TRIM37: variants seen among roughly 807,000 people sequenced by gnomAD.
The protein encoded by TRIM37 is E3 ubiquitin-protein ligase TRIM37.
TRIM37 carries 80 observed loss-of-function variants against 129.8 expected under a neutral mutation model. The observed-to-expected ratio is 0.62, with a 90% CI of 0.51 to 0.74. TRIM37 has a LOEUF of 0.74. Ranked by LOEUF, TRIM37 falls within the 30% of genes least tolerant of loss-of-function variation. The pLI is 0.00. For missense variants in TRIM37, 1,054 were observed against 1,176.5 expected (o/e 0.90, Z 1.52); for synonymous variants, 389 against 387.1 (o/e 1.00, Z -0.06).
intron 7 of TRIM37, among the ~76,000 whole-genome samples, chr17:59,076,419 C>T (rs1381386437): frequency 6.6e-6 from 1 of 152,156 alleles, no homozygotes; most frequent in East Asian, 1.9e-4. Context: ...TGCATGCCTG[C>T]AGCCCAATTT....
At chr17:59,021,677 G>A (rs1386303955) in intron 19 of TRIM37, among the ~76,000 whole-genome samples, 1 of 152,050 alleles carries the variant, frequency 6.6e-6, no homozygotes, top group Non-Finnish European at 1.5e-5. Context: ...AATATAGTTA[G>A]ATAGAATGAA....
chr17:59,052,723 G>A (rs1276526582), intron 13 of TRIM37, among the ~76,000 whole-genome samples: 2 of 152,134 alleles, frequency 1.3e-5, no homozygotes, highest in African/African-American at 4.8e-5. Flanking sequence ...GGGAGGCCGA[G>A]GTGGGCAGAT....
Position 59,022,265 on chromosome 17 carries a change from A to C in TRIM37, c.2258-4841T>G, listed in dbSNP as rs554383627. Among the ~76,000 whole-genome samples, 4 of 152,334 alleles carry C rather than the reference A, an allele frequency of 2.6e-5. No individual in the cohort carries two copies. In the South Asian group the frequency reaches 8.3e-4, roughly 32 times the overall value. On this transcript the variant is annotated intron_variant, in intron 19 of 23. Coordinates refer to ENST00000262294, the MANE Select transcript of TRIM37 (RefSeq NM_015294.6). ...AGCAGTGTTTTTTTAAAAAAAGTAT[A>C]GGCCCAAACTAAATAGGATGCATTC...
intron 8 of TRIM37, among the ~76,000 whole-genome samples, chr17:59,074,405 GTGTA>G (rs2042638241): frequency 6.6e-6 from 1 of 152,110 alleles, no homozygotes; most frequent in South Asian, 2.1e-4. Context: ...ATATATATGT[GTGTA>G]TGTAAAAAGA....
At chr17:59,105,573 T>A (rs2045921451) in intron 1 of TRIM37, among the ~76,000 whole-genome samples, 1 of 152,220 alleles carries the variant, frequency 6.6e-6, no homozygotes, top group Non-Finnish European at 1.5e-5. Context: ...ATTCTAGAAT[T>A]AAACCCTCCT....
chr17:59,066,625 C>T (rs960371732), intron 9 of TRIM37, among the ~76,000 whole-genome samples: 2 of 152,144 alleles, frequency 1.3e-5, no homozygotes, highest in African/African-American at 4.8e-5. Context: ...CCTAGTCTCA[C>T]TTGCTAGGAG....
chr17:58,986,246 C>T (rs1261039250), intron 24 of TRIM37, among the ~76,000 whole-genome samples: 3 of 151,844 alleles, frequency 2.0e-5, no homozygotes, highest in Admixed American at 1.3e-4. Context: ...TCACCCAGGC[C>T]GGAGTGCAGT....
chr17:59,046,569 A>C (rs2039824139), intron 16 of TRIM37, among the ~76,000 whole-genome samples: 2 of 69,182 alleles, frequency 2.9e-5, no homozygotes, highest in Admixed American at 1.7e-4. Context: ...ACAGAGTCTC[A>C]ACTGTCGCCC....
intron 16 of TRIM37, among the ~76,000 whole-genome samples, chr17:59,044,495 G>A (rs925194541): frequency 6.6e-6 from 1 of 152,028 alleles, no homozygotes; most frequent in Non-Finnish European, 1.5e-5. Context: ...CCAGGAGACG[G>A]AGGCTGCAGT....
rs2042919597 is a variant in TRIM37, at chr17:59,077,639, G to T, written c.617-1925C>A. On this transcript the variant is annotated intron_variant, in intron 7 of 23. Coordinates refer to ENST00000262294, the MANE Select transcript of TRIM37 (RefSeq NM_015294.6). ...AGCCTGGCCAATATGGTAAAACCCT[G>T]TCTCTACTAAAAATACAAAAATTAG... 4.0e-5 allele frequency among the ~76,000 whole-genome samples: 6 copies of T among 151,570 alleles called. 1 individual carries two copies. In the South Asian group the frequency reaches 1.3e-3, roughly 32 times the overall value.
At chr17:58,987,527 G>A (rs947580625) in intron 24 of TRIM37, among the ~76,000 whole-genome samples, 5 of 152,214 alleles carry the variant, frequency 3.3e-5, no homozygotes, top group Admixed American at 6.5e-5. Flanking sequence ...CCGTACTACT[G>A]ATGTCCCAAA....
At position 59,047,685 on chromosome 17, in the gene TRIM37, A is replaced by G. The variant is rs1423998098; in HGVS notation, c.1665T>C (p.Thr555=). 6.2e-7 allele frequency: 1 copy of G among 1,613,150 alleles called. No homozygotes were observed. The highest frequency in any genetic ancestry group is 1.1e-5 in the South Asian group (1 of 90,928). Reference sequence around the variant, plus strand: ...CAGTAGTAAAGTGGGAAACTCACATAGTTTCTTCATCAATATCATTTTCTT... The same window carrying G: ...CAGTAGTAAAGTGGGAAACTCACATGGTTTCTTCATCAATATCATTTTCTT... ...NTEENDIDEE[T]MSGENDVEYN... The change falls in exon 16 of 24, where the codon ACT becomes ACC. Residue 555 remains threonine (T), a splice_region_variant and synonymous_variant. Transcript: ENST00000262294.
chr17:59,073,044 C>T (rs533739885), intron 8 of TRIM37: 1 of 152,234 alleles, frequency 6.6e-6, no homozygotes, highest in South Asian at 2.1e-4. Context: ...TATGTACATA[C>T]ATACACACAT....
At chr17:59,069,075 G>A (rs1942177908) in intron 9 of TRIM37, among the ~76,000 whole-genome samples, 1 of 152,186 alleles carries the variant, frequency 6.6e-6, no homozygotes, top group African/African-American at 2.4e-5. Flanking sequence ...GGCCAGGCAT[G>A]GTGGCTCACA....
chr17:59,032,174 T>C (rs1568029032), intron 17 of TRIM37, 84 bp from the exon 18 acceptor site: 1 of 1,349,054 alleles, frequency 7.4e-7, no homozygotes, highest in Middle Eastern at 2.5e-4. Context: ...TAACATTATA[T>C]GAATACTTGT....
intron 2 of TRIM37, among the ~76,000 whole-genome samples, chr17:59,101,446 T>C (rs1290458429): frequency 6.6e-6 from 1 of 151,948 alleles, no homozygotes; most frequent in Non-Finnish European, 1.5e-5. Flanking sequence ...TACTTCTCTA[T>C]TAGCATGGTA....
At chr17:59,054,810 G>A (rs1192185965) in intron 13 of TRIM37, among the ~76,000 whole-genome samples, 10 of 151,824 alleles carry the variant, frequency 6.6e-5, no homozygotes, top group South Asian at 2.1e-4. Flanking sequence ...GATTACAGGC[G>A]CGTGCCACCA....
At chr17:59,091,396 A>T in intron 2 of TRIM37, 56 bp from the exon 3 acceptor site, 1 of 597,028 alleles carries the variant, frequency 1.7e-6, no homozygotes, top group Non-Finnish European at 2.3e-6. Context: ...ATATATATAT[A>T]TTACTTAATA....
At chr17:59,023,340 A>T (rs2036838322) in intron 19 of TRIM37, among the ~76,000 whole-genome samples, 1 of 152,174 alleles carries the variant, frequency 6.6e-6, no homozygotes, top group Non-Finnish European at 1.5e-5. Context: ...GGCCTCCCAA[A>T]GTGCTGGGAT....
Sources: gnomAD v4.1 joint callset for allele counts (sites outside exome capture counted in the v4.1 genomes callset) on GRCh38, gnomAD v4.1.1 for gene constraint, MANE v1.5 for transcripts, NCBI Gene and HGNC (gene_info 2026-07-23, HGNC 2026-07-21) for gene names.